Variants in ANKRD6 observed in about 807,000 individuals in gnomAD.
ANKRD6 encodes the protein ankyrin repeat domain-containing protein 6.
Under a neutral mutation model 82.3 loss-of-function variants are expected in ANKRD6, and 56 were observed. That is an observed-to-expected ratio of 0.68 (90% CI 0.55 to 0.85). The LOEUF (loss-of-function observed/expected upper bound fraction) is 0.85. ANKRD6 is among the 40% of genes least tolerant of loss of function. ANKRD6 has a pLI of 0.00. For missense variants in ANKRD6, 852 were observed against 907.6 expected, an observed-to-expected ratio of 0.94 and a Z score of 0.79; for synonymous variants, 347 against 352.1, an observed-to-expected ratio of 0.99 and a Z score of 0.16.
chr6:89,624,209 G>A (rs147758162), intron 12 of ANKRD6, among the ~76,000 whole-genome samples, 152 bp downstream of exon 12: 21 of 152,286 alleles, frequency 1.4e-4, no homozygotes, highest in African/African-American at 4.1e-4. Context: ...CCACCTGCAC[G>A]GTGCAGATCC....
intron 9 of ANKRD6, chr6:89,621,520 TG>T (rs545190214): frequency 9.5e-4 from 179 of 188,676 alleles, no homozygotes; most frequent in African/African-American, 4.0e-3. Flanking sequence ...TGTACCAAGA[TG>T]GAGAGTGAGA....
intron 1 of ANKRD6, among the ~76,000 whole-genome samples, chr6:89,484,897 G>A (rs1336158488): frequency 1.3e-5 from 2 of 152,142 alleles, no homozygotes; most frequent in African/African-American, 2.4e-5. Context: ...GTTTTGAGAC[G>A]TGGGCTCTAT....
intron 1 of ANKRD6, among the ~76,000 whole-genome samples, chr6:89,476,191 G>A (rs1464290578): frequency 6.6e-6 from 1 of 151,566 alleles, no homozygotes; most frequent in Non-Finnish European, 1.5e-5. Flanking sequence ...GTTTTGTTTT[G>A]TTTTGTTTTT....
chr6:89,496,166 T>A (rs934011849), intron 1 of ANKRD6, among the ~76,000 whole-genome samples: 1 of 151,590 alleles, frequency 6.6e-6, no homozygotes, highest in African/African-American at 2.4e-5. Flanking sequence ...AGCAAGCTTT[T>A]TTCCACACTG....
chr6:89,578,096 G>T (rs568532615), intron 2 of ANKRD6, among the ~76,000 whole-genome samples: 71 of 152,274 alleles, frequency 4.7e-4, no homozygotes, highest in African/African-American at 1.6e-3. Flanking sequence ...GAAAACTCAG[G>T]AGGTGCCACA....
chr6:89,486,002 C>G (rs1287977302), intron 1 of ANKRD6, among the ~76,000 whole-genome samples: 1 of 152,114 alleles, frequency 6.6e-6, no homozygotes, highest in Non-Finnish European at 1.5e-5. Flanking sequence ...GAAAATTCAA[C>G]TAAGAAAAAT....
At position 89,616,567 on chromosome 6, in the gene ANKRD6, C is replaced by G; in HGVS notation, c.624C>G (p.Asp208Glu). The change falls in exon 8 of 16, where the codon GAC (aspartate) becomes GAG (glutamate). Residue 208 changes from aspartate to glutamate, a missense_variant. Physicochemically the swap from Asp to Glu is conservative, Grantham distance 45. Coordinates refer to ENST00000339746, the MANE Select transcript of ANKRD6 (RefSeq NM_001242809.2). ...CSVHEKNQAG[D>E]TALHVAAALN... Reference sequence around the variant, plus strand: ...CTTCTAATCAATTCCAGGCTGGAGACACAGCACTTCACGTTGCTGCTGCCC... The same window carrying G: ...CTTCTAATCAATTCCAGGCTGGAGAGACAGCACTTCACGTTGCTGCTGCCC... 1 of 1,614,034 alleles carries G rather than the reference C, an allele frequency of 6.2e-7. No homozygotes were observed. Among genetic ancestry groups the G allele is most frequent in the South Asian group, 1.1e-5 (1 of 91,084 alleles).
At chr6:89,450,542 G>A (rs1026989344) in intron 1 of ANKRD6, among the ~76,000 whole-genome samples, 4 of 152,000 alleles carry the variant, frequency 2.6e-5, no homozygotes, top group African/African-American at 9.7e-5. Flanking sequence ...TTTTTCAGAG[G>A]GAGTCTCACT....
chr6:89,532,911 G>A (rs1403506201), intron 1 of ANKRD6, among the ~76,000 whole-genome samples: 2 of 146,820 alleles, frequency 1.4e-5, no homozygotes, highest in Admixed American at 6.9e-5. Context: ...GTCTCGCTCT[G>A]TTGCCCAGGC....
chr6:89,574,339 A>G (rs907825711), intron 2 of ANKRD6, among the ~76,000 whole-genome samples: 1 of 152,148 alleles, frequency 6.6e-6, no homozygotes, highest in Non-Finnish European at 1.5e-5. Context: ...CTGGACACTG[A>G]CAGACATCCC....
intron 7 of ANKRD6, 140 bp from the exon 8 acceptor site, chr6:89,616,419 G>A (rs1164139962): frequency 2.5e-5 from 17 of 688,712 alleles, no homozygotes; most frequent in African/African-American, 7.2e-5. Flanking sequence ...GCCTCATAAC[G>A]CTTTAACAAA....
chr6:89,456,474 G>C (rs558835544), intron 1 of ANKRD6, among the ~76,000 whole-genome samples: 1 of 152,288 alleles, frequency 6.6e-6, no homozygotes, highest in Admixed American at 6.5e-5. Flanking sequence ...CCTTCTCTCT[G>C]TGTTCTCACT....
chr6:89,613,978 T>A, intron 7 of ANKRD6, 88 bp downstream of exon 7: 6 of 1,351,466 alleles, frequency 4.4e-6, no homozygotes, highest in Non-Finnish European at 6.1e-6. Context: ...GAGCAGAGGC[T>A]GCTGGGAAGC....
At chr6:89,590,821 A>G (rs918808487) in intron 2 of ANKRD6, among the ~76,000 whole-genome samples, 1 of 152,208 alleles carries the variant, frequency 6.6e-6, no homozygotes, top group Non-Finnish European at 1.5e-5. Flanking sequence ...CCCAAGCCTC[A>G]GTTTCCTTAT....
chr6:89,617,761 C>T (rs1354525876), intron 8 of ANKRD6, among the ~76,000 whole-genome samples, 193 bp from the exon 9 acceptor site: 1 of 152,238 alleles, frequency 6.6e-6, no homozygotes, highest in Non-Finnish European at 1.5e-5. Flanking sequence ...TCCAGTGTGA[C>T]CCACCTCCCT....
intron 1 of ANKRD6, chr6:89,563,035 G>A (rs1389450434): frequency 6.6e-6 from 1 of 152,160 alleles, no homozygotes; most frequent in Non-Finnish European, 1.5e-5. Flanking sequence ...GCCTGGCCGG[G>A]ACTTTTATTT....
chr6:89,622,642 C>T (rs551736673), intron 10 of ANKRD6, among the ~76,000 whole-genome samples: 13 of 152,186 alleles, frequency 8.5e-5, no homozygotes, highest in South Asian at 2.1e-4. Context: ...GCACAGGGCA[C>T]GCATGGTGAG....
rs1790453203 is a variant in ANKRD6 at position 89,573,645 on chromosome 6, TGA to T, written c.120+6553_120+6554del. Among the ~76,000 whole-genome samples, 5 of 152,358 alleles carry T rather than the reference TGA, an allele frequency of 3.3e-5. 1 individual carries two copies. Among genetic ancestry groups the T allele is most frequent in the African/African-American group, 1.2e-4 (5 of 41,594 alleles). On this transcript the variant is annotated intron_variant, in intron 2 of 15. Transcript: ENST00000339746. The stretch of plus-strand genomic sequence containing the variant: ...AAAGGGAATATGTACATAAATTTTT[TGA>T]GAGTCTGCATGTCTGAAACTCCTTA...
In ANKRD6 at chr6:89,460,303, C is replaced by G. The variant is rs372410170; in HGVS notation, c.-144+26928C>G. Among the ~76,000 whole-genome samples the G allele has an allele frequency of 1.5e-4, 22 of 151,578 alleles. No homozygotes were observed. In the East Asian group the frequency reaches 3.1e-3, roughly 21 times the overall value. On this transcript the variant is annotated intron_variant, in intron 1 of 15. Transcript: ENST00000339746. ...ATATAATTTTCCAATTCTCCTAGAT[C>G]CTGACTTTTTTTCTTTTTAAGAGAG... is the stretch of plus-strand genomic sequence containing the variant.
Sources: allele counts gnomAD v4.1 joint callset (sites outside exome capture counted in the v4.1 genomes callset), GRCh38; gene constraint gnomAD v4.1.1; transcripts MANE v1.5; gene names NCBI Gene and HGNC (gene_info 2026-07-23, HGNC 2026-07-21).